The following PGAP6 variants were observed in gnomAD, a reference collection of about 807,000 sequenced individuals.
The protein encoded by PGAP6 is post-GPI attachment to proteins factor 6.
Under a neutral mutation model 68.4 loss-of-function variants are expected in PGAP6, and 62 were observed. The ratio of observed to expected loss-of-function variants is 0.91; its 90% CI spans 0.74 to 1.12. The LOEUF (loss-of-function observed/expected upper bound fraction) is 1.12, where lower values mean the gene tolerates loss of function less well. PGAP6 is among the 50% of genes most tolerant of loss of function. The probability of loss-of-function intolerance (pLI) is 0.00; values close to 1 mark genes in which losing one functional copy is unlikely to be tolerated. For missense variants in PGAP6, 1,188 were observed against 1,068.5 expected (o/e 1.11, Z -1.56); for synonymous variants, 575 against 474.0 (o/e 1.21, Z -2.77).
chr16:376,110 A>G (rs1174666162), intron 6 of PGAP6, 26 bp downstream of exon 6: 1 of 1,576,184 alleles, frequency 6.3e-7, no homozygotes, highest in African/African-American at 1.3e-5. Flanking sequence ...AGCCCAGGCC[A>G]CAGGCCGCTT....
At chr16:383,850 C>T, upstream of PGAP6, among the ~76,000 whole-genome samples, 1 of 70,016 alleles carries the variant, frequency 1.4e-5, no homozygotes, top group Admixed American at 1.5e-4. Context: ...TGAGGGTTTA[C>T]GGAGCGGGGG....
At chr16:381,995 G>A (rs1441751874), upstream of PGAP6, 5 of 932,560 alleles carry the variant, frequency 5.4e-6, no homozygotes, top group East Asian at 1.8e-4. Context: ...CGCAGGCCCC[G>A]CCCCGCAGGC....
In PGAP6 at chr16:381,871, C is replaced by T; in HGVS notation, c.-50G>A. 7.2e-6 allele frequency: 7 copies of T among 979,018 alleles called. No homozygotes were observed. Among genetic ancestry groups the T allele is most frequent in the South Asian group, 9.1e-5 (2 of 22,034 alleles). The allele number at this position is 979,018 out of a possible 1,614,324, so 60.6% of individuals were successfully genotyped here. On this transcript the variant is annotated 5_prime_UTR_variant, in exon 1 of 13. Transcript: ENST00000431232. Reference sequence around the variant, plus strand: ...CCCGGCCCGCGTCCCGCGCCGCCGGCCCCCGCCGCCGCCCGGGCAGCCTCT... The same window carrying T: ...CCCGGCCCGCGTCCCGCGCCGCCGGTCCCCGCCGCCGCCCGGGCAGCCTCT...
chr16:374,788 C>G lies in PGAP6; in HGVS notation c.1544G>C (p.Ser515Thr), dbSNP rs1482115057. Residue 515 changes from serine to threonine, a missense_variant, in exon 9 of 13, where the codon AGC becomes ACC. By Grantham distance (58) the Ser-to-Thr change is moderately conservative. Transcript: ENST00000431232. ...YGQCLLLRRH[S>T]YLYASCSCKA... ...GCAGCTGCAGCTGGCATACAGGTAG[C>G]TGTGTCTGCGGAGCAGGAGGCACTG... 3 of 1,612,676 alleles carry G rather than the reference C, an allele frequency of 1.9e-6. No homozygotes were observed. Among genetic ancestry groups the G allele is most frequent in the Non-Finnish European group, 2.5e-6 (3 of 1,179,954 alleles).
upstream of PGAP6, among the ~76,000 whole-genome samples, chr16:385,135 C>A (rs537283450): frequency 2.6e-4 from 39 of 149,628 alleles, no homozygotes; most frequent in Non-Finnish European, 5.5e-4. Context: ...CACTGCACTC[C>A]AGCCTGGGCA....
In PGAP6 at chr16:377,750, G is replaced by C. The variant is rs1435479381; in HGVS notation, c.220C>G (p.Pro74Ala). 1 of 1,595,298 alleles carries C rather than the reference G, an allele frequency of 6.3e-7. No homozygotes were observed. Among genetic ancestry groups the C allele is most frequent in the Non-Finnish European group, 8.5e-7 (1 of 1,171,622 alleles). The stretch of plus-strand genomic sequence containing the variant: ...AGCCAGCGTAGAAGCACAGCATCTG[G>C]GGGCACGCGGAAGCGGAAGAGCCTG... ...SARLFRFRVP[P>A]DAVLLRWLLQ... Residue 74 changes from proline (P) to alanine (A), a missense_variant, in exon 2 of 13, where the codon CCA becomes GCA. Physicochemically the swap from Pro to Ala is conservative, Grantham distance 27. Coordinates refer to ENST00000431232, the MANE Select transcript of PGAP6 (RefSeq NM_021259.3).
Position 372,113 on chromosome 16 carries a change from G to A in PGAP6, c.2190C>T (p.Ala730=), listed in dbSNP as rs148128206. ...YTHSIWHILL[A]GSAALLLPPP... ...GCGGCAGCAGCAAGGCTGCGCTCCC[G>A]GCCAGCAGGATGTGCCAGATGCTGT... is the stretch of plus-strand genomic sequence containing the variant. Residue 730 remains alanine, a synonymous_variant, in exon 13 of 13, where the codon GCC becomes GCT. Coordinates refer to ENST00000431232, the MANE Select transcript of PGAP6 (RefSeq NM_021259.3). The A allele has an allele frequency of 2.9e-4, 464 of 1,612,784 alleles. No homozygotes were observed. The highest frequency in any genetic ancestry group is 3.6e-4 in the Non-Finnish European group (425 of 1,179,962).
At chr16:379,187 A>G (rs905833253) in intron 1 of PGAP6, among the ~76,000 whole-genome samples, 1 of 152,074 alleles carries the variant, frequency 6.6e-6, no homozygotes, top group Non-Finnish European at 1.5e-5. Context: ...CCCTCCCCAC[A>G]CACTCAGGAG....
Position 377,235 on chromosome 16 carries a change from C to T in PGAP6, c.508-71G>A, listed in dbSNP as rs112469462. The T allele has an allele frequency of 5.4e-5, 87 of 1,604,518 alleles. No homozygotes were observed. In the East Asian group the frequency reaches 1.0e-3, roughly 19 times the overall value. On this transcript the variant is annotated intron_variant, in intron 3 of 12. Transcript: ENST00000431232. ...GGTGTGAGGGCATGGTCTCACCAGA[C>T]GCCCCCGGCATGCAGGGAGCAGGGC...
chr16:380,372 C>CTTT (rs35957500), intron 1 of PGAP6, among the ~76,000 whole-genome samples: 70 of 144,900 alleles, frequency 4.8e-4, no homozygotes, highest in African/African-American at 1.7e-3. Flanking sequence ...TTCTGTCTTT[C>CTTT]TTTTTTTTTT....
At position 376,389 on chromosome 16, in the gene PGAP6, G is replaced by A. The variant is rs1203588185; in HGVS notation, c.971C>T (p.Ala324Val). The change falls in exon 6 of 13, where the codon GCC (alanine) becomes GTC (valine). Residue 324 changes from alanine to valine, a missense_variant. Ala to Val is a moderately conservative substitution (Grantham distance 64). Coordinates refer to ENST00000431232, the MANE Select transcript of PGAP6 (RefSeq NM_021259.3). ...LQSSQNQSFN[A>V]SSGLLSPSPD... ...GCTCGGGGACAGCAGACCAGAGGAG[G>A]CATTGAAGCTCTGGTTTTGGCTGCT... The A allele has an allele frequency of 1.2e-6, 2 of 1,606,946 alleles. No homozygotes were observed. Among genetic ancestry groups the A allele is most frequent in the Admixed American group, 3.4e-5 (2 of 59,674 alleles).
At chr16:383,128 C>CACAAAA (rs151273890), upstream of PGAP6, among the ~76,000 whole-genome samples, 73 of 151,320 alleles carry the variant, frequency 4.8e-4, no homozygotes, top group East Asian at 0.012. Flanking sequence ...AAAACAAAAA[C>CACAAAA]ACAAAAACAA....
upstream of PGAP6, among the ~76,000 whole-genome samples, chr16:385,338 G>A (rs1401463005): frequency 7.9e-6 from 1 of 126,498 alleles, no homozygotes; most frequent in Non-Finnish European, 1.6e-5. Flanking sequence ...TTTTTGAGAC[G>A]GAGCCTCACT....
upstream of PGAP6, chr16:383,423 C>T (rs2054461564): frequency 6.6e-6 from 1 of 152,232 alleles, no homozygotes; most frequent in Non-Finnish European, 1.5e-5. Flanking sequence ...TGCGTTTTTC[C>T]CTCCAGGTAC....
At chr16:373,696 C>T (rs1573735) in intron 11 of PGAP6, among the ~76,000 whole-genome samples, 83,315 of 152,164 alleles carry the variant, frequency 0.55, 23,193 homozygotes, top group South Asian at 0.67. Flanking sequence ...TGTACCACTA[C>T]GCTCGGCTAA....
intron 1 of PGAP6, among the ~76,000 whole-genome samples, chr16:378,235 G>GCCACCCGCACTGCCATCC (rs2054405777): frequency 4.4e-4 from 10 of 22,882 alleles, no homozygotes; most frequent in Non-Finnish European, 5.6e-4. Context: ...GACTGCCATC[G>GCCACCCGCACTGCCATCC]CCACCCGCAC....
intron 12 of PGAP6, 149 bp downstream of exon 12, chr16:372,462 C>T (rs2054343611): frequency 1.1e-6 from 1 of 951,192 alleles, no homozygotes; most frequent in Admixed American, 1.9e-5. Context: ...GGGACACAGC[C>T]ATGCTGGGCC....
intron 1 of PGAP6, among the ~76,000 whole-genome samples, chr16:379,065 G>A (rs2054416884): frequency 6.6e-6 from 1 of 152,166 alleles, no homozygotes; most frequent in Non-Finnish European, 1.5e-5. Context: ...AGGGCGGAGG[G>A]CACATCCCTT....
Position 376,279 on chromosome 16 carries a change from T to C in PGAP6, c.1081A>G (p.Met361Val), listed in dbSNP as rs1486352533. ...LTNYPVTREDMDVVSVHFQPL... is the reference protein window; with the variant it reads ...LTNYPVTREDVDVVSVHFQPL... ...TGGAAGTGCACCGACACCACGTCCA[T>C]GTCCTCCCGCGTGACTGGGTAGTTT... Residue 361 changes from methionine to valine, a missense_variant, in exon 6 of 13, where the codon ATG becomes GTG. Met to Val is a conservative substitution (Grantham distance 21). Transcript: ENST00000431232. The C allele has an allele frequency of 8.1e-6, 13 of 1,612,424 alleles. No individual in the cohort carries two copies. The highest frequency in any genetic ancestry group is 1.1e-5 in the Non-Finnish European group (13 of 1,179,960).
Sources: allele counts gnomAD v4.1 joint callset (sites outside exome capture counted in the v4.1 genomes callset), GRCh38; gene constraint gnomAD v4.1.1; transcripts MANE v1.5; gene names NCBI Gene and HGNC (gene_info 2026-07-23, HGNC 2026-07-21).